The following ADARB2 variants were observed in gnomAD, a reference collection of about 807,000 sequenced individuals.
ADARB2 encodes the protein inactive double-stranded RNA-specific editase B2.
Under a neutral mutation model 62.2 loss-of-function variants are expected in ADARB2, and 25 were observed. The ratio of observed to expected loss-of-function variants is 0.40; its 90% CI spans 0.29 to 0.56. The LOEUF is 0.56. ADARB2 is among the 20% of genes least tolerant of loss of function. The pLI is 0.43. For missense variants in ADARB2, 1,071 were observed against 1,077.4 expected, an observed-to-expected ratio of 0.99 and a Z score of 0.08; for synonymous variants, 572 against 500.8, an observed-to-expected ratio of 1.14 and a Z score of -1.90.
At chr10:1,695,690 A>G (rs1834731485) in intron 1 of ADARB2, among the ~76,000 whole-genome samples, 1 of 151,812 alleles carries the variant, frequency 6.6e-6, no homozygotes, top group South Asian at 2.1e-4. Context: ...AGAAACATGA[A>G]TGTGTGTGCA....
intron 1 of ADARB2, among the ~76,000 whole-genome samples, chr10:1,491,267 G>A (rs1406048685): frequency 6.6e-6 from 1 of 151,776 alleles, no homozygotes; most frequent in East Asian, 1.9e-4. Context: ...ACAGGGTTGT[G>A]CCACGTTGCC....
chr10:1,361,173 C>G (rs1005085259), intron 3 of ADARB2: 2 of 152,576 alleles, frequency 1.3e-5, no homozygotes, highest in Non-Finnish European at 2.9e-5. Context: ...GGAGGGCTCT[C>G]TCCCAGTCTC....
intron 1 of ADARB2, among the ~76,000 whole-genome samples, chr10:1,391,766 ATT>A (rs60956446): frequency 0.025 from 2,293 of 91,550 alleles, 24 homozygotes; most frequent in East Asian, 0.16. Context: ...TAAGAATTGG[ATT>A]TTTTTTTTTT....
intron 1 of ADARB2, among the ~76,000 whole-genome samples, chr10:1,416,808 C>T (rs1293086778): frequency 6.6e-6 from 1 of 152,242 alleles, no homozygotes; most frequent in Non-Finnish European, 1.5e-5. Context: ...GGTGAAACCC[C>T]ATTAGGTCAG....
chr10:1,319,071 C>G (rs1051518140), intron 3 of ADARB2, among the ~76,000 whole-genome samples: 2 of 152,182 alleles, frequency 1.3e-5, no homozygotes, highest in Non-Finnish European at 2.9e-5. Context: ...CAGATGCTGA[C>G]CCATGCCACA....
chr10:1,556,686 A>C (rs781547771), intron 1 of ADARB2: 1 of 534,492 alleles, frequency 1.9e-6, no homozygotes, highest in Non-Finnish European at 3.8e-6. Context: ...AGAGCTCAGC[A>C]AACCGGGACC....
At chr10:1,232,361 GGTCT>G (rs1830813281) in intron 6 of ADARB2, among the ~76,000 whole-genome samples, 2 of 152,074 alleles carry the variant, frequency 1.3e-5, no homozygotes, top group South Asian at 2.1e-4. Flanking sequence ...TGGTGTGTGT[GGTCT>G]GTGTGTGGTG....
chr10:1,385,828 C>T (rs1832520928), intron 1 of ADARB2, among the ~76,000 whole-genome samples: 1 of 152,056 alleles, frequency 6.6e-6, no homozygotes, highest in African/African-American at 2.4e-5. Context: ...AAGACTGTAC[C>T]AATCAGCACA....
intron 1 of ADARB2, among the ~76,000 whole-genome samples, chr10:1,528,215 C>T (rs954399706): frequency 1.3e-5 from 2 of 152,220 alleles, no homozygotes; most frequent in Non-Finnish European, 2.9e-5. Context: ...TGCGATACAG[C>T]AGCTCCGCGC....
chr10:1,498,595 A>G (rs1183607637), intron 1 of ADARB2, among the ~76,000 whole-genome samples: 1 of 152,222 alleles, frequency 6.6e-6, no homozygotes, highest in African/African-American at 2.4e-5. Context: ...CATCTATGTT[A>G]GAATGAATAA....
chr10:1,612,770 G>A (rs939692837), intron 1 of ADARB2, among the ~76,000 whole-genome samples: 5 of 152,164 alleles, frequency 3.3e-5, no homozygotes, highest in Admixed American at 2.0e-4. Flanking sequence ...GGTAACAATG[G>A]TTTTTATTTA....
chr10:1,630,341 A>C (rs1251204852), intron 1 of ADARB2, among the ~76,000 whole-genome samples: 6 of 152,194 alleles, frequency 3.9e-5, no homozygotes, highest in Admixed American at 3.9e-4. Flanking sequence ...CGCAGTACAG[A>C]AGCAAGGCAG....
chr10:1,634,164 C>A (rs942452230), intron 1 of ADARB2, among the ~76,000 whole-genome samples: 12 of 152,194 alleles, frequency 7.9e-5, no homozygotes, highest in African/African-American at 2.4e-4. Flanking sequence ...ACCCTGGGGC[C>A]ACACCCGCTC....
chr10:1,706,968 G>A (rs540817232), intron 1 of ADARB2, among the ~76,000 whole-genome samples: 1 of 86,018 alleles, frequency 1.2e-5, no homozygotes, highest in South Asian at 4.4e-4. Flanking sequence ...GGGTTTCCCC[G>A]GGGCCTCCTG....
chr10:1,356,207 G>A (rs973624441), intron 3 of ADARB2, among the ~76,000 whole-genome samples: 2 of 152,202 alleles, frequency 1.3e-5, no homozygotes, highest in Middle Eastern at 3.2e-3. Context: ...CCCTAAAAGA[G>A]CACCTTGCCT....
At chr10:1,707,772 G>C (rs1834907034) in intron 1 of ADARB2, among the ~76,000 whole-genome samples, 1 of 152,206 alleles carries the variant, frequency 6.6e-6, no homozygotes, top group South Asian at 2.1e-4. Context: ...AGAAGACTGT[G>C]AAGATGAAGC....
intron 3 of ADARB2, among the ~76,000 whole-genome samples, chr10:1,286,079 G>C (rs1831410982): frequency 6.6e-6 from 1 of 151,812 alleles, no homozygotes; most frequent in South Asian, 2.1e-4. Flanking sequence ...GCGGGTGGTG[G>C]GGCAGTGGGG....
intron 1 of ADARB2, among the ~76,000 whole-genome samples, chr10:1,485,674 C>G (rs979823217): frequency 1.3e-5 from 2 of 152,194 alleles, no homozygotes; most frequent in African/African-American, 2.4e-5. Flanking sequence ...TGTCACAACA[C>G]GTGCCCCGGT....
At chr10:1,247,752 G>A (rs950135732) in intron 4 of ADARB2, among the ~76,000 whole-genome samples, 2 of 152,212 alleles carry the variant, frequency 1.3e-5, no homozygotes, top group African/African-American at 4.8e-5. Context: ...GACAGCGCGA[G>A]GGTGCTGCCA....
Sources: gnomAD v4.1 joint callset for allele counts (sites outside exome capture counted in the v4.1 genomes callset) on GRCh38, gnomAD v4.1.1 for gene constraint, MANE v1.5 for transcripts, NCBI Gene and HGNC (gene_info 2026-07-23, HGNC 2026-07-21) for gene names.